The following RPS6KA5 variants were observed in gnomAD, a reference collection of about 807,000 sequenced individuals.
The protein encoded by RPS6KA5 is ribosomal protein S6 kinase alpha-5.
Under a neutral mutation model 85.5 loss-of-function variants are expected in RPS6KA5, and 27 were observed. That is an observed-to-expected ratio of 0.32 (90% CI 0.23 to 0.44). The LOEUF (loss-of-function observed/expected upper bound fraction) is 0.44. RPS6KA5 is among the 20% of genes least tolerant of loss of function. RPS6KA5 has a pLI of 1.00. For synonymous variants in RPS6KA5, 334 were observed against 348.2 expected, an observed-to-expected ratio of 0.96 and a Z score of 0.46; for missense variants, 811 against 980.9, an observed-to-expected ratio of 0.83 and a Z score of 2.31.
chr14:91,018,198 A>G (rs1473610039), intron 1 of RPS6KA5, among the ~76,000 whole-genome samples: 1 of 152,230 alleles, frequency 6.6e-6, no homozygotes, highest in African/African-American at 2.4e-5. Context: ...ATAGTTATAA[A>G]TACCAGCTAG....
chr14:91,010,182 T>A (rs184775339), intron 1 of RPS6KA5, among the ~76,000 whole-genome samples: 1 of 152,226 alleles, frequency 6.6e-6, no homozygotes, highest in East Asian at 1.9e-4. Flanking sequence ...TTTTTTAAAG[T>A]TTAAAAGGAG....
Position 90,897,115 on chromosome 14 carries a change from G to A in RPS6KA5, c.1473+2214C>T, listed in dbSNP as rs376139180. On this transcript the variant is annotated intron_variant, in intron 12 of 16. Coordinates refer to ENST00000614987, the MANE Select transcript of RPS6KA5 (RefSeq NM_004755.4). ...TGGGACAGGCATTAGATTCTTATAA[G>A]GAGTGCTGCAACTTTGATCCCTCGC... Among the ~76,000 whole-genome samples the A allele has an allele frequency of 5.9e-5, 9 of 152,286 alleles. No individual in the cohort carries two copies. In the East Asian group the frequency reaches 1.7e-3, roughly 29 times the overall value.
At chr14:90,973,325 C>A (rs1198624259) in intron 3 of RPS6KA5, among the ~76,000 whole-genome samples, 1 of 151,986 alleles carries the variant, frequency 6.6e-6, no homozygotes, top group Admixed American at 6.6e-5. Context: ...CATCTGTAGT[C>A]CCAGCTACTC....
At chr14:90,953,826 T>C (rs907561517) in intron 3 of RPS6KA5, among the ~76,000 whole-genome samples, 4 of 152,214 alleles carry the variant, frequency 2.6e-5, no homozygotes, top group East Asian at 1.9e-4. Context: ...ACCGGTTCTC[T>C]GCTCTCAAAC....
chr14:90,882,946 T>C (rs2033950827), intron 14 of RPS6KA5, among the ~76,000 whole-genome samples: 1 of 152,024 alleles, frequency 6.6e-6, no homozygotes, highest in Non-Finnish European at 1.5e-5. Flanking sequence ...TATAGGTGTG[T>C]GCCACCACGC....
At chr14:91,004,964 C>T (rs1044064788) in intron 1 of RPS6KA5, among the ~76,000 whole-genome samples, 6 of 149,778 alleles carry the variant, frequency 4.0e-5, no homozygotes, top group East Asian at 3.9e-4. Context: ...AGTGAGACTC[C>T]GTCTCAAAAA....
intron 3 of RPS6KA5, among the ~76,000 whole-genome samples, chr14:90,968,537 T>C (rs1248699274): frequency 6.6e-6 from 1 of 152,182 alleles, no homozygotes; most frequent in Non-Finnish European, 1.5e-5. Flanking sequence ...TTCCTTAACA[T>C]ACTACAGTAC....
intron 3 of RPS6KA5, among the ~76,000 whole-genome samples, chr14:90,977,167 G>A (rs2039604336): frequency 6.6e-6 from 1 of 152,196 alleles, no homozygotes. Context: ...CTGGCATACT[G>A]TAGGCACTCA....
At chr14:91,044,395 A>C in intron 1 of RPS6KA5, among the ~76,000 whole-genome samples, 1 of 88,858 alleles carries the variant, frequency 1.1e-5, no homozygotes, top group East Asian at 2.8e-4. Context: ...GAAAGAAGGA[A>C]AGAAAGAAAG....
At chr14:91,020,675 T>C (rs2139791185) in intron 1 of RPS6KA5, among the ~76,000 whole-genome samples, 1 of 151,546 alleles carries the variant, frequency 6.6e-6, no homozygotes, top group South Asian at 2.1e-4. Flanking sequence ...TGTATGTATA[T>C]ATCCTATTGG....
Position 90,872,138 on chromosome 14 carries a change from G to C in RPS6KA5, c.2345C>G (p.Pro782Arg). 1 of 1,613,944 alleles carries C rather than the reference G, an allele frequency of 6.2e-7. No homozygotes were observed. The highest frequency in any genetic ancestry group is 8.5e-7 in the Non-Finnish European group (1 of 1,179,986). ...GKTTPTKTLQPSNPADSNNPE... is the reference protein window; with the variant it reads ...GKTTPTKTLQRSNPADSNNPE... ...GTTATTGCTGTCGGCAGGATTGCTG[G>C]GCTGCAGTGTCTTGGTGGGTGTAGT... is the stretch of plus-strand genomic sequence containing the variant. Residue 782 changes from proline to arginine, a missense_variant, in exon 17 of 17, where the codon CCC (proline) becomes CGC (arginine). Transcript: ENST00000614987.
chr14:91,010,064 T>A (rs750670600), intron 1 of RPS6KA5, among the ~76,000 whole-genome samples: 1 of 149,780 alleles, frequency 6.7e-6, no homozygotes. Context: ...GAACCATTAA[T>A]AGGGGAAGAA....
At chr14:91,006,818 C>T (rs1019252874) in intron 1 of RPS6KA5, among the ~76,000 whole-genome samples, 1 of 152,158 alleles carries the variant, frequency 6.6e-6, no homozygotes, top group Non-Finnish European at 1.5e-5. Context: ...ATCCGCCTGC[C>T]TCAGCCTCCC....
In RPS6KA5 at chr14:90,848,250, G is replaced by A. The variant is rs2031814808; in HGVS notation, c.*23824C>T. 6.6e-6 allele frequency: 1 copy of A among 152,112 alleles called. No individual in the cohort carries two copies. The highest frequency in any genetic ancestry group is 1.5e-5 in the Non-Finnish European group (1 of 68,018). 9.4% of individuals were successfully genotyped at this position (152,112 alleles called of 1,614,324 possible). On this transcript the variant is annotated 3_prime_UTR_variant, in exon 17 of 17. Coordinates refer to ENST00000614987, the MANE Select transcript of RPS6KA5 (RefSeq NM_004755.4). The stretch of plus-strand genomic sequence containing the variant: ...CCATATAGCTCACCTTTAATCAAAG[G>A]CAGTACCAGTTATCGCTATAATAAA...
At chr14:90,930,308 A>C (rs563866129) in intron 5 of RPS6KA5, among the ~76,000 whole-genome samples, 2 of 152,358 alleles carry the variant, frequency 1.3e-5, no homozygotes, top group South Asian at 4.1e-4. Flanking sequence ...CATTTCGAAT[A>C]AGAAGAGAAA....
chr14:91,050,719 G>T (rs866949891), intron 1 of RPS6KA5, among the ~76,000 whole-genome samples: 91 of 152,174 alleles, frequency 6.0e-4, no homozygotes, highest in African/African-American at 2.0e-3. Flanking sequence ...GTGAGCCACC[G>T]CGCCCAGCCG....
At chr14:91,022,265 C>A (rs1470818168) in intron 1 of RPS6KA5, among the ~76,000 whole-genome samples, 1 of 152,144 alleles carries the variant, frequency 6.6e-6, no homozygotes, top group African/African-American at 2.4e-5. Context: ...AAGCATATAG[C>A]CAACTTACTC....
At chr14:90,920,177 T>C in intron 7 of RPS6KA5, 29 bp downstream of exon 7, 2 of 1,300,206 alleles carry the variant, frequency 1.5e-6, no homozygotes, top group South Asian at 1.2e-5. Context: ...GAGAAAACAA[T>C]GCATTTATTT....
intron 14 of RPS6KA5, among the ~76,000 whole-genome samples, chr14:90,881,451 T>G (rs2033830628): frequency 8.0e-6 from 1 of 124,606 alleles, no homozygotes; most frequent in Admixed American, 7.8e-5. Context: ...AGACTCTGTC[T>G]CAAAAAAAAA....
Sources: gnomAD v4.1 joint callset for allele counts (sites outside exome capture counted in the v4.1 genomes callset) on GRCh38, gnomAD v4.1.1 for gene constraint, MANE v1.5 for transcripts, NCBI Gene and HGNC (gene_info 2026-07-23, HGNC 2026-07-21) for gene names.